Variants in RERG observed in about 807,000 individuals in gnomAD.
The protein encoded by RERG is ras-related and estrogen-regulated growth inhibitor.
A neutral mutation model predicts 23.2 loss-of-function variants in RERG; 25 were observed. The ratio of observed to expected loss-of-function variants is 1.08; its 90% CI spans 0.79 to 1.50. The LOEUF (loss-of-function observed/expected upper bound fraction) is 1.50, where lower values mean the gene tolerates loss of function less well. Ranked by LOEUF, RERG falls within the 40% of genes most tolerant of loss-of-function variation. The pLI is 0.00. For missense variants in RERG, 253 were observed against 250.1 expected (o/e 1.01, Z -0.08); for synonymous variants, 81 against 89.1 (o/e 0.91, Z 0.51).
intron 3 of RERG, among the ~76,000 whole-genome samples, chr12:15,120,669 T>C (rs1034473836): frequency 2.0e-5 from 3 of 152,196 alleles, no homozygotes; most frequent in Non-Finnish European, 4.4e-5. Context: ...TATTTTTCCC[T>C]AAAATCCATA....
chr12:15,214,828 C>G (rs1394593226), intron 2 of RERG, among the ~76,000 whole-genome samples: 2 of 152,122 alleles, frequency 1.3e-5, no homozygotes, highest in African/African-American at 4.8e-5. Context: ...GCCTGAGCGA[C>G]AGAGGGAGAC....
At position 15,108,837 on chromosome 12, in the gene RERG, T is replaced by G. The variant is rs1164283839; in HGVS notation, c.*273A>C. 2 of 327,676 alleles carry G rather than the reference T, an allele frequency of 6.1e-6. No individual in the cohort carries two copies. The highest frequency in any genetic ancestry group is 1.1e-5 in the Non-Finnish European group (2 of 182,456). 20.3% of individuals were successfully genotyped at this position (327,676 alleles called of 1,614,324 possible). ...CAAGGTGAAGATGCCTAAAAATAGCTTAACATAAACCAGTCATTTCAGAAT... is the reference window on the plus strand; with the variant it reads ...CAAGGTGAAGATGCCTAAAAATAGCGTAACATAAACCAGTCATTTCAGAAT... On this transcript the variant is annotated 3_prime_UTR_variant, in exon 5 of 5. Coordinates refer to ENST00000256953, the MANE Select transcript of RERG (RefSeq NM_032918.3).
chr12:15,154,029 A>T lies in RERG; in HGVS notation c.62-32910T>A, dbSNP rs567189785. ...GGACGGCCTGAGGTTACCAGAAGCT[A>T]GGACAGAGGCAGGGAACAGATCCTC... On this transcript the variant is annotated intron_variant, in intron 2 of 4. Transcript: ENST00000256953. Among the ~76,000 whole-genome samples, 27 of 152,274 alleles carry T rather than the reference A, an allele frequency of 1.8e-4. No homozygotes were observed. The South Asian group carries it at 1.9e-3, about 11-fold the overall frequency.
chr12:15,198,660 C>T lies in RERG; in HGVS notation c.61+18769G>A, dbSNP rs376534885. Among the ~76,000 whole-genome samples the T allele has an allele frequency of 6.6e-5, 10 of 152,222 alleles. No individual in the cohort carries two copies. The East Asian group carries it at 1.2e-3, about 18-fold the overall frequency. Reference sequence around the variant, plus strand: ...AGAGTTCTGTAGATTAGAAGTATGACACAGGTCATGAAGGTCTCTCTGGAG... The same window carrying T: ...AGAGTTCTGTAGATTAGAAGTATGATACAGGTCATGAAGGTCTCTCTGGAG... On this transcript the variant is annotated intron_variant, in intron 2 of 4. Coordinates refer to ENST00000256953, the MANE Select transcript of RERG (RefSeq NM_032918.3).
At chr12:15,219,012 C>T (rs1865481185) in intron 1 of RERG, among the ~76,000 whole-genome samples, 1 of 152,050 alleles carries the variant, frequency 6.6e-6, no homozygotes, top group Admixed American at 6.5e-5. Flanking sequence ...TCACATTAAG[C>T]CTCACATCTT....
intron 2 of RERG, among the ~76,000 whole-genome samples, chr12:15,197,847 A>G (rs1015296056): frequency 6.6e-6 from 1 of 152,110 alleles, no homozygotes; most frequent in East Asian, 1.9e-4. Flanking sequence ...GCAGAGAAAA[A>G]GGACGGGCTG....
intron 2 of RERG, among the ~76,000 whole-genome samples, chr12:15,159,825 A>C (rs1330851477): frequency 6.6e-6 from 1 of 151,470 alleles, no homozygotes; most frequent in African/African-American, 2.4e-5. Context: ...CTCCGTCTCA[A>C]ACAAACAAAC....
At chr12:15,149,495 G>A (rs1206013563) in intron 2 of RERG, among the ~76,000 whole-genome samples, 1 of 152,144 alleles carries the variant, frequency 6.6e-6, no homozygotes, top group Non-Finnish European at 1.5e-5. Flanking sequence ...AGTACTCAAG[G>A]GCTTTGCAGT....
chr12:15,181,886 T>C (rs1864927152), intron 2 of RERG, among the ~76,000 whole-genome samples: 1 of 152,260 alleles, frequency 6.6e-6, no homozygotes, highest in African/African-American at 2.4e-5. Flanking sequence ...AGGGCTTCGC[T>C]ATTCATAGAG....
chr12:15,169,608 C>T (rs1246714077), intron 2 of RERG, among the ~76,000 whole-genome samples: 1 of 152,156 alleles, frequency 6.6e-6, no homozygotes, highest in Non-Finnish European at 1.5e-5. Flanking sequence ...ATCTGTGGAA[C>T]CACACAGCCT....
At chr12:15,126,720 C>CTT (rs1282479235) in intron 2 of RERG, among the ~76,000 whole-genome samples, 13 of 126,478 alleles carry the variant, frequency 1.0e-4, no homozygotes, top group African/African-American at 2.1e-4. Context: ...TTTTCTTTTT[C>CTT]TTTCTTTTTT....
Position 15,163,997 on chromosome 12 carries a change from C to T in RERG, c.62-42878G>A, listed in dbSNP as rs373686369. Among the ~76,000 whole-genome samples, 224 of 152,300 alleles carry T rather than the reference C, an allele frequency of 1.5e-3. 6 individuals are homozygous for T. The South Asian group carries it at 0.045, about 31-fold the overall frequency. ...ATTGCAGTCTTCTGCTACTACCTCA[C>T]ATTGGCCAAATGTGCCAGAAATGAA... On this transcript the variant is annotated intron_variant, in intron 2 of 4. Transcript: ENST00000256953.
intron 2 of RERG, among the ~76,000 whole-genome samples, chr12:15,201,581 TATTA>T (rs1337701770): frequency 4.7e-5 from 7 of 149,066 alleles, no homozygotes; most frequent in African/African-American, 1.7e-4. Context: ...AATTAGCTAA[TATTA>T]ATTATTAGTA....
chr12:15,191,411 G>A (rs762724251), intron 2 of RERG, among the ~76,000 whole-genome samples: 7 of 152,072 alleles, frequency 4.6e-5, no homozygotes, highest in Non-Finnish European at 8.8e-5. Context: ...TAGTGTCAGG[G>A]CCTCATCCTC....
chr12:15,124,596 C>T (rs189554301), intron 2 of RERG, among the ~76,000 whole-genome samples: 1 of 152,082 alleles, frequency 6.6e-6, no homozygotes, highest in East Asian at 1.9e-4. Flanking sequence ...GATACTTAAG[C>T]ATATGTAACC....
At chr12:15,132,145 G>A (rs184322311) in intron 2 of RERG, among the ~76,000 whole-genome samples, 2 of 152,272 alleles carry the variant, frequency 1.3e-5, no homozygotes. Context: ...TCATTGCCAA[G>A]ATGAACTAGG....
intron 2 of RERG, among the ~76,000 whole-genome samples, chr12:15,122,427 C>CT (rs1400593203): frequency 6.6e-6 from 1 of 152,124 alleles, no homozygotes; most frequent in East Asian, 1.9e-4. Context: ...GTGTAAATTG[C>CT]ATGAGGACTT....
intron 2 of RERG, among the ~76,000 whole-genome samples, chr12:15,174,980 T>C (rs1292979561): frequency 6.6e-6 from 1 of 152,146 alleles, no homozygotes; most frequent in African/African-American, 2.4e-5. Context: ...CCAGTTTCCA[T>C]TGACTCCTAT....
intron 2 of RERG, among the ~76,000 whole-genome samples, chr12:15,146,709 T>G (rs962784468): frequency 6.6e-6 from 1 of 152,156 alleles, no homozygotes; most frequent in African/African-American, 2.4e-5. Context: ...GCATGTAAAG[T>G]GAATCACTCT....
Sources: gnomAD v4.1 joint callset for allele counts (sites outside exome capture counted in the v4.1 genomes callset) on GRCh38, gnomAD v4.1.1 for gene constraint, MANE v1.5 for transcripts, NCBI Gene and HGNC (gene_info 2026-07-23, HGNC 2026-07-21) for gene names.